Variants in DLGAP2 observed in about 807,000 individuals in gnomAD.
DLGAP2 encodes the protein disks large-associated protein 2.
Under a neutral mutation model 100.3 loss-of-function variants are expected in DLGAP2, and 26 were observed. The observed-to-expected ratio is 0.26, with a 90% CI of 0.19 to 0.36. DLGAP2 has a LOEUF of 0.36. Ranked by LOEUF, DLGAP2 falls within the 10% of genes least tolerant of loss-of-function variation. DLGAP2 has a pLI of 1.00. For missense variants in DLGAP2, 1,858 were observed against 1,453.2 expected (o/e 1.28, Z -4.53); for synonymous variants, 886 against 630.1 (o/e 1.41, Z -6.08).
intron 2 of DLGAP2, among the ~76,000 whole-genome samples, chr8:1,256,973 G>T (rs1369103508): frequency 3.3e-5 from 5 of 151,998 alleles, no homozygotes; most frequent in African/African-American, 4.8e-5. Context: ...GAGCAGTGTG[G>T]CCCTGGGCCC....
intron 2 of DLGAP2, among the ~76,000 whole-genome samples, chr8:968,196 T>A (rs1464475823): frequency 6.6e-6 from 1 of 152,118 alleles, no homozygotes; most frequent in African/African-American, 2.4e-5. Flanking sequence ...TTTTACTGAA[T>A]ACAAGCCACA....
At chr8:927,549 C>A (rs1002150842) in intron 2 of DLGAP2, among the ~76,000 whole-genome samples, 4 of 152,146 alleles carry the variant, frequency 2.6e-5, no homozygotes, top group Non-Finnish European at 5.9e-5. Context: ...GGGCACTTAA[C>A]GCCTCCGAGC....
chr8:1,410,074 C>G (rs1796685142), intron 3 of DLGAP2, among the ~76,000 whole-genome samples: 1 of 152,174 alleles, frequency 6.6e-6, no homozygotes, highest in Admixed American at 6.5e-5. Context: ...GGTGTCAGGT[C>G]CACAAGCCAA....
rs114564633 is a variant in DLGAP2, at chr8:889,296, C to T, written c.19-18616C>T. Among the ~76,000 whole-genome samples the T allele has an allele frequency of 1.1e-3, 161 of 152,312 alleles. 1 individual carries two copies. Among genetic ancestry groups the T allele is most frequent in the African/African-American group, 2.9e-3 (119 of 41,564 alleles). ...GGCTCAGAGGCCTGACAGCAGGCCCCGTTTAATGAAGCACTTTGTCCCTTG... is the reference window on the plus strand; with the variant it reads ...GGCTCAGAGGCCTGACAGCAGGCCCTGTTTAATGAAGCACTTTGTCCCTTG... On this transcript the variant is annotated intron_variant, in intron 1 of 14. Transcript: ENST00000637795.
At chr8:921,685 GC>G (rs1798719156) in intron 2 of DLGAP2, among the ~76,000 whole-genome samples, 1 of 152,270 alleles carries the variant, frequency 6.6e-6, no homozygotes, top group Non-Finnish European at 1.5e-5. Context: ...CACGGCTACT[GC>G]CACCCAGCCA....
intron 1 of DLGAP2, among the ~76,000 whole-genome samples, chr8:867,434 G>A (rs1449545880): frequency 1.3e-5 from 2 of 152,212 alleles, no homozygotes; most frequent in African/African-American, 2.4e-5. Context: ...CCTTCAGAGG[G>A]TTCTAACAGG....
At chr8:981,364 C>T (rs1467706045) in intron 2 of DLGAP2, among the ~76,000 whole-genome samples, 2 of 152,052 alleles carry the variant, frequency 1.3e-5, no homozygotes, top group Non-Finnish European at 2.9e-5. Flanking sequence ...GTCTATTGTG[C>T]TATTGTGAAT....
intron 3 of DLGAP2, among the ~76,000 whole-genome samples, chr8:1,303,737 C>T (rs1388574423): frequency 6.6e-6 from 1 of 152,082 alleles, no homozygotes; most frequent in African/African-American, 2.4e-5. Context: ...GCATTTTCTC[C>T]TCTGGTCTCT....
chr8:1,671,690 GC>G (rs1484699613), intron 10 of DLGAP2, among the ~76,000 whole-genome samples: 1 of 152,200 alleles, frequency 6.6e-6, no homozygotes, highest in Admixed American at 6.5e-5. Context: ...ACCTCCTATG[GC>G]CCCCGTCCTC....
At chr8:1,352,713 G>A (rs1801763699) in intron 3 of DLGAP2, among the ~76,000 whole-genome samples, 1 of 152,116 alleles carries the variant, frequency 6.6e-6, no homozygotes, top group South Asian at 2.1e-4. Context: ...TCTCTGCCCT[G>A]AGTTTTACAG....
rs544449377 is a variant in DLGAP2, at chr8:1,414,497, T to C, written c.107-86869T>C. Among the ~76,000 whole-genome samples the C allele has an allele frequency of 7.9e-5, 12 of 152,044 alleles. 1 individual carries two copies. Among genetic ancestry groups the C allele is most frequent in the Admixed American group, 7.9e-4 (12 of 15,282 alleles). On this transcript the variant is annotated intron_variant, in intron 3 of 14. Transcript: ENST00000637795. The stretch of plus-strand genomic sequence containing the variant: ...CCAGGCCGGGGGTCCCAGTGCAGGG[T>C]CCACACCAGAGCAGAAGCGGAAGGT...
At chr8:1,700,149 G>C (rs529469568) in intron 14 of DLGAP2, among the ~76,000 whole-genome samples, 1 of 152,146 alleles carries the variant, frequency 6.6e-6, no homozygotes, top group African/African-American at 2.4e-5. Flanking sequence ...GGCCTCCTCC[G>C]TACTCACACA....
intron 2 of DLGAP2, among the ~76,000 whole-genome samples, chr8:958,325 T>G (rs1799642399): frequency 6.6e-6 from 1 of 152,144 alleles, no homozygotes; most frequent in Non-Finnish European, 1.5e-5. Flanking sequence ...ATTTCTGCCT[T>G]TGGCTGTTGT....
At chr8:916,172 G>C (rs1470235452) in intron 2 of DLGAP2, among the ~76,000 whole-genome samples, 1 of 152,162 alleles carries the variant, frequency 6.6e-6, no homozygotes, top group Non-Finnish European at 1.5e-5. Context: ...ATCCACCCCA[G>C]TTTTCCCACC....
At chr8:1,165,980 A>G (rs780802537) in intron 2 of DLGAP2, among the ~76,000 whole-genome samples, 2 of 152,116 alleles carry the variant, frequency 1.3e-5, no homozygotes, top group African/African-American at 2.4e-5. Context: ...TTTTTCTTCC[A>G]GTAATATTTG....
chr8:1,223,920 C>T (rs868439078), intron 2 of DLGAP2, among the ~76,000 whole-genome samples: 1 of 152,216 alleles, frequency 6.6e-6, no homozygotes. Flanking sequence ...AGAAGACATA[C>T]TCCTTGTTGT....
intron 2 of DLGAP2, among the ~76,000 whole-genome samples, chr8:987,988 C>G (rs1385686349): frequency 6.6e-6 from 1 of 152,156 alleles, no homozygotes; most frequent in Non-Finnish European, 1.5e-5. Flanking sequence ...CAAAACAAGT[C>G]TGGTTCTCGA....
chr8:1,235,140 CACGTGGCGTCGTGTCTAGTTCTCT>C (rs1479229883), intron 2 of DLGAP2, among the ~76,000 whole-genome samples: 5 of 31,922 alleles, frequency 1.6e-4, no homozygotes, highest in Non-Finnish European at 4.0e-4. Context: ...GCTTCCCTCA[CACGTGGCGTCGTGTCTAGTTCTCT>C]CACACATGGC....
At chr8:1,252,443 C>A (rs377202676) in intron 2 of DLGAP2, among the ~76,000 whole-genome samples, 1 of 152,196 alleles carries the variant, frequency 6.6e-6, no homozygotes, top group South Asian at 2.1e-4. Context: ...ACACTTGTCA[C>A]ACTGTGGTGT....
Sources: allele counts gnomAD v4.1 joint callset (sites outside exome capture counted in the v4.1 genomes callset), GRCh38; gene constraint gnomAD v4.1.1; transcripts MANE v1.5; gene names NCBI Gene and HGNC (gene_info 2026-07-23, HGNC 2026-07-21).